The following ZNF148 variants were observed in gnomAD, a reference collection of about 807,000 sequenced individuals.
The protein encoded by ZNF148 is Beta-Enolase Repressor Factor-1.
Under a neutral mutation model 67.7 loss-of-function variants are expected in ZNF148, and 7 were observed. The ratio of observed to expected loss-of-function variants is 0.10; its 90% CI spans 0.06 to 0.19. ZNF148 has a LOEUF of 0.19. Ranked by LOEUF, ZNF148 falls within the 10% of genes least tolerant of loss-of-function variation. ZNF148 has a pLI of 1.00. For synonymous variants in ZNF148, 333 were observed against 330.7 expected (o/e 1.01, Z -0.08); for missense variants, 583 against 947.1 (o/e 0.62, Z 5.05).
intron 4 of ZNF148, among the ~76,000 whole-genome samples, chr3:125,300,811 C>A (rs1267322069): frequency 2.0e-5 from 3 of 152,094 alleles, no homozygotes; most frequent in African/African-American, 7.2e-5. Context: ...CTGTGAATTA[C>A]AATTTGCTCT....
intron 7 of ZNF148, among the ~76,000 whole-genome samples, chr3:125,243,719 T>A (rs1443899384): frequency 6.6e-6 from 1 of 151,896 alleles, no homozygotes; most frequent in African/African-American, 2.4e-5. Flanking sequence ...AGAGACAGGG[T>A]CTTGTTACGG....
intron 7 of ZNF148, among the ~76,000 whole-genome samples, chr3:125,264,454 C>T (rs1318674574): frequency 6.6e-6 from 1 of 152,224 alleles, no homozygotes; most frequent in Non-Finnish European, 1.5e-5. Context: ...AACCCACACA[C>T]TTGGTGTCAG....
intron 5 of ZNF148, among the ~76,000 whole-genome samples, chr3:125,287,861 T>C (rs1434089885): frequency 1.3e-5 from 2 of 152,166 alleles, no homozygotes; most frequent in African/African-American, 2.4e-5. Flanking sequence ...GGGCAATGCA[T>C]GCCATCCGAT....
intron 7 of ZNF148, among the ~76,000 whole-genome samples, chr3:125,238,765 T>C (rs1440381169): frequency 1.3e-5 from 2 of 152,196 alleles, no homozygotes; most frequent in Admixed American, 1.3e-4. Flanking sequence ...CCTAGGTACA[T>C]ATCTAAAAGA....
chr3:125,368,317 A>G (rs1312509733), intron 1 of ZNF148, among the ~76,000 whole-genome samples: 1 of 152,230 alleles, frequency 6.6e-6, no homozygotes, highest in Non-Finnish European at 1.5e-5. Flanking sequence ...TTGGAAGGCT[A>G]CCACTTACTC....
At chr3:125,267,800 T>C (rs2107586451) in intron 7 of ZNF148, among the ~76,000 whole-genome samples, 1 of 152,324 alleles carries the variant, frequency 6.6e-6, no homozygotes, top group East Asian at 1.9e-4. Flanking sequence ...CTCTCTTTGC[T>C]GACCATATGA....
intron 1 of ZNF148, among the ~76,000 whole-genome samples, chr3:125,367,977 T>C (rs1225744052): frequency 2.6e-5 from 4 of 152,126 alleles, no homozygotes; most frequent in Non-Finnish European, 5.9e-5. Context: ...CAGACAAAAA[T>C]AGATCCAGAC....
At chr3:125,331,920 C>T (rs1334070914) in intron 1 of ZNF148, among the ~76,000 whole-genome samples, 1 of 152,066 alleles carries the variant, frequency 6.6e-6, no homozygotes, top group Non-Finnish European at 1.5e-5. Flanking sequence ...GTAATGAAGA[C>T]TGAAAGTTGA....
intron 2 of ZNF148, among the ~76,000 whole-genome samples, chr3:125,329,757 GACTA>G (rs2107708957): frequency 6.6e-6 from 1 of 151,892 alleles, no homozygotes; most frequent in Admixed American, 6.6e-5. Context: ...ATAAGTAGAT[GACTA>G]ATTAGACAAA....
intron 1 of ZNF148, among the ~76,000 whole-genome samples, chr3:125,370,980 C>T (rs1245252513): frequency 2.0e-5 from 3 of 152,110 alleles, no homozygotes; most frequent in Non-Finnish European, 4.4e-5. Flanking sequence ...CTCCTCTTAC[C>T]ACATTTCCCA....
At chr3:125,339,405 T>G (rs1941625265) in intron 1 of ZNF148, among the ~76,000 whole-genome samples, 1 of 152,236 alleles carries the variant, frequency 6.6e-6, no homozygotes, top group South Asian at 2.1e-4. Context: ...TGAAACATCT[T>G]AAGTACAATC....
At chr3:125,361,865 T>C (rs952899030) in intron 1 of ZNF148, among the ~76,000 whole-genome samples, 3 of 151,878 alleles carry the variant, frequency 2.0e-5, no homozygotes, top group African/African-American at 4.8e-5. Flanking sequence ...TCCACTAGGA[T>C]TGTAACTTCA....
rs913369819 is a variant in ZNF148 at position 125,304,036 on chromosome 3, T to A, written c.333+9272A>T. 9.2e-5 allele frequency among the ~76,000 whole-genome samples: 14 copies of A among 152,222 alleles called. 1 individual carries two copies. Among genetic ancestry groups the A allele is most frequent in the African/African-American group, 2.2e-4 (9 of 41,538 alleles). ...TCTATATAATTTTAAAATAAAAAAA[T>A]TTTTAAGTAAAAGGATAGATTTTTG... is the stretch of plus-strand genomic sequence containing the variant. On this transcript the variant is annotated intron_variant, in intron 4 of 8. Coordinates refer to ENST00000360647, the MANE Select transcript of ZNF148 (RefSeq NM_021964.3).
intron 1 of ZNF148, among the ~76,000 whole-genome samples, chr3:125,335,913 T>C (rs1941471019): frequency 6.6e-6 from 1 of 152,184 alleles, no homozygotes. Context: ...TGAAGTTTTA[T>C]GAATTAACGT....
chr3:125,317,146 G>A (rs923102061), intron 3 of ZNF148, among the ~76,000 whole-genome samples: 3 of 152,044 alleles, frequency 2.0e-5, no homozygotes, highest in African/African-American at 7.2e-5. Context: ...TTATTCCTAT[G>A]GCCCCAAATT....
chr3:125,229,534 G>C lies in ZNF148; in HGVS notation c.*2807C>G, dbSNP rs547852594. On this transcript the variant is annotated 3_prime_UTR_variant, in exon 9 of 9. Coordinates refer to ENST00000360647, the MANE Select transcript of ZNF148 (RefSeq NM_021964.3). ...GAATAAGGTTTTAAAAAACCCTTTA[G>C]AAGATGTTCAAGAGATACTGCCTCG... 6 of 152,254 alleles carry C rather than the reference G, an allele frequency of 3.9e-5. No individual in the cohort carries two copies. Among genetic ancestry groups the C allele is most frequent in the African/African-American group, 1.4e-4 (6 of 41,544 alleles). 9.4% of individuals were successfully genotyped at this position (152,254 alleles called of 1,614,324 possible).
At chr3:125,305,145 A>G (rs1379275512) in intron 4 of ZNF148, among the ~76,000 whole-genome samples, 1 of 152,232 alleles carries the variant, frequency 6.6e-6, no homozygotes, top group Non-Finnish European at 1.5e-5. Flanking sequence ...GGAAGGTATC[A>G]ATTGATCAAA....
chr3:125,279,035 T>G, intron 6 of ZNF148, 89 bp downstream of exon 6: 1 of 1,354,508 alleles, frequency 7.4e-7, no homozygotes, highest in South Asian at 1.8e-5. Context: ...TTAGCTATGG[T>G]CTTAGGAATG....
At chr3:125,274,492 C>T (rs1263196997) in intron 7 of ZNF148, among the ~76,000 whole-genome samples, 15 of 152,114 alleles carry the variant, frequency 9.9e-5, no homozygotes, top group Admixed American at 9.8e-4. Context: ...AAGTACTCTC[C>T]CCTAAAATGG....
Sources: allele counts gnomAD v4.1 joint callset (sites outside exome capture counted in the v4.1 genomes callset), GRCh38; gene constraint gnomAD v4.1.1; transcripts MANE v1.5; gene names NCBI Gene and HGNC (gene_info 2026-07-23, HGNC 2026-07-21).